The following GRHL3 variants were observed in gnomAD, a reference collection of about 807,000 sequenced individuals.
GRHL3 encodes the protein grainyhead like transcription factor 3, also known as grainyhead-like protein 3 homolog.
Under a neutral mutation model 70.3 loss-of-function variants are expected in GRHL3, and 20 were observed. The ratio of observed to expected loss-of-function variants is 0.28; its 90% CI spans 0.20 to 0.41. GRHL3 has a LOEUF of 0.41. Ranked by LOEUF, GRHL3 falls within the 10% of genes least tolerant of loss-of-function variation. GRHL3 has a pLI of 1.00. For synonymous variants in GRHL3, 299 were observed against 299.9 expected (o/e 1.00, Z 0.03); for missense variants, 637 against 762.3 (o/e 0.84, Z 1.94).
chr1:24,344,485 G>GAAAAA (rs57193515), intron 11 of GRHL3, among the ~76,000 whole-genome samples: 2 of 55,778 alleles, frequency 3.6e-5, no homozygotes, highest in Admixed American at 2.9e-4. Context: ...TTTCCCCCCA[G>GAAAAA]AAAAAAAAAA....
chr1:24,343,254 G>A (rs558771965), intron 11 of GRHL3: 132 of 521,670 alleles, frequency 2.5e-4, no homozygotes, highest in East Asian at 1.1e-3. Flanking sequence ...CCATTAAAAC[G>A]TTCATGCTTA....
downstream of GRHL3, among the ~76,000 whole-genome samples, chr1:24,359,624 G>A (rs1481858941): frequency 6.6e-6 from 1 of 152,164 alleles, no homozygotes; most frequent in Non-Finnish European, 1.5e-5. This position sits in a 1 kb window ranked among gnomAD's most constrained non-coding sequence, Gnocchi z 5.3. Context: ...GCCTCTGGGG[G>A]CAAACCTGGG....
rs1297892759 is a variant in GRHL3 at position 24,342,559 on chromosome 1, T to G, written c.1207-135T>G. ...GCTGGGCCAGGTAAGTGCTGGTACC[T>G]TCCCATTTCCTGGTCTTGTTCTGGA... is the stretch of plus-strand genomic sequence containing the variant. On this transcript the variant is annotated intron_variant, in intron 9 of 15. Coordinates refer to ENST00000361548, the MANE Select transcript of GRHL3 (RefSeq NM_198173.3). This position sits in a 1 kb window ranked among gnomAD's most constrained non-coding sequence, Gnocchi z 4.8. 1.2e-5 allele frequency: 11 copies of G among 912,832 alleles called. No homozygotes were observed. The highest frequency in any genetic ancestry group is 1.9e-5 in the Non-Finnish European group (11 of 569,134). 56.5% of individuals were successfully genotyped at this position (912,832 alleles called of 1,614,324 possible).
At chr1:24,352,769 C>T (rs1002638545) in intron 15 of GRHL3, among the ~76,000 whole-genome samples, 4 of 152,164 alleles carry the variant, frequency 2.6e-5, no homozygotes, top group South Asian at 2.1e-4. Context: ...GGTCTGTTTC[C>T]GACCTCCCGT....
In GRHL3 at chr1:24,319,455, C is replaced by T; in HGVS notation, c.-97C>T. The T allele has an allele frequency of 7.7e-7, 1 of 1,294,712 alleles. No individual in the cohort carries two copies. Among genetic ancestry groups the T allele is most frequent in the Non-Finnish European group, 1.1e-6 (1 of 890,594 alleles). 80.2% of individuals were successfully genotyped at this position (1,294,712 alleles called of 1,614,324 possible). A position where few individuals can be genotyped will look rare whatever the true frequency, so the allele number is the denominator to read the frequency against. On this transcript the variant is annotated 5_prime_UTR_variant, in exon 1 of 16. Coordinates refer to ENST00000361548, the MANE Select transcript of GRHL3 (RefSeq NM_198173.3). The stretch of plus-strand genomic sequence containing the variant: ...CACCCAAACCTCAACATAAATCAAA[C>T]ACTTTCCCGGGCAGAGAATGTCTGT...
rs767805582 is a variant in GRHL3, at chr1:24,354,708, A to G, written c.*220A>G. The G allele has an allele frequency of 1.3e-5, 6 of 471,372 alleles. No homozygotes were observed. Among genetic ancestry groups the G allele is most frequent in the Non-Finnish European group, 2.3e-5 (6 of 260,134 alleles). The allele number at this position is 471,372 out of a possible 1,614,324, so 29.2% of individuals were successfully genotyped here. On this transcript the variant is annotated 3_prime_UTR_variant, in exon 16 of 16. Coordinates refer to ENST00000361548, the MANE Select transcript of GRHL3 (RefSeq NM_198173.3). Reference sequence around the variant, plus strand: ...ATGGTATGCTTGAATCTGCTCCCTGAACTTCCTGCCAGTGCCTCCCCGTAC... The same window carrying G: ...ATGGTATGCTTGAATCTGCTCCCTGGACTTCCTGCCAGTGCCTCCCCGTAC...
At chr1:24,351,294 C>T (rs1427455760) in intron 15 of GRHL3, among the ~76,000 whole-genome samples, 1 of 152,136 alleles carries the variant, frequency 6.6e-6, no homozygotes, top group Non-Finnish European at 1.5e-5. Context: ...GGCCTGGCCG[C>T]CTTCCTCACA....
chr1:24,351,589 G>A (rs1022598586), intron 15 of GRHL3, among the ~76,000 whole-genome samples: 5 of 128,396 alleles, frequency 3.9e-5, no homozygotes, highest in Admixed American at 9.3e-5. Flanking sequence ...CAGTGCCCAT[G>A]CCCCCTGGCT....
Position 24,319,406 on chromosome 1 carries a change from A to C in GRHL3, c.-146A>C. On this transcript the variant is annotated 5_prime_UTR_variant, in exon 1 of 16. Transcript: ENST00000361548. ...CCAATCAGCGCCAGCGCTGCTGGGAACCTACCTGTCAGCAAAATCTCGACA... is the reference window on the plus strand; with the variant it reads ...CCAATCAGCGCCAGCGCTGCTGGGACCCTACCTGTCAGCAAAATCTCGACA... 1.2e-6 allele frequency: 1 copy of C among 852,340 alleles called. No individual in the cohort carries two copies. The highest frequency in any genetic ancestry group is 2.0e-6 in the Non-Finnish European group (1 of 500,598). 52.8% of individuals were successfully genotyped at this position (852,340 alleles called of 1,614,324 possible).
chr1:24,348,771 T>C (rs764704138), intron 14 of GRHL3, among the ~76,000 whole-genome samples: 2 of 152,184 alleles, frequency 1.3e-5, no homozygotes, highest in Admixed American at 6.5e-5. Flanking sequence ...TTCAGTCACA[T>C]CATCATTAAA....
At chr1:24,338,245 G>T in intron 7 of GRHL3, 142 bp downstream of exon 7, 1 of 581,008 alleles carries the variant, frequency 1.7e-6, no homozygotes. Flanking sequence ...GGTTTGCAAG[G>T]ATTTGCATCT....
chr1:24,323,132 T>C (rs1639264816), intron 1 of GRHL3: 2 of 1,470,978 alleles, frequency 1.4e-6, no homozygotes, highest in East Asian at 2.5e-5. Context: ...GTTCTACATG[T>C]TATATATTTG....
intron 13 of GRHL3, among the ~76,000 whole-genome samples, chr1:24,346,914 A>C (rs1311718103): frequency 1.3e-5 from 2 of 152,102 alleles, no homozygotes; most frequent in Non-Finnish European, 2.9e-5. Flanking sequence ...ATGCTGGGCG[A>C]GTCCCCCCTC....
In GRHL3 at chr1:24,354,669, T is replaced by C; in HGVS notation, c.*181T>C. 1 of 545,270 alleles carries C rather than the reference T, an allele frequency of 1.8e-6. No individual in the cohort carries two copies. Among genetic ancestry groups the C allele is most frequent in the Non-Finnish European group, 3.3e-6 (1 of 302,974 alleles). The allele number at this position is 545,270 out of a possible 1,614,324, so 33.8% of individuals were successfully genotyped here. A position where few individuals can be genotyped will look rare whatever the true frequency, so the allele number is the denominator to read the frequency against. On this transcript the variant is annotated 3_prime_UTR_variant, in exon 16 of 16. Coordinates refer to ENST00000361548, the MANE Select transcript of GRHL3 (RefSeq NM_198173.3). ...CCAGGGAGAGACCTAGGGGGTCCCC[T>C]GGCCTGGATCCCCATGGTATGCTTG...
chr1:24,320,811 A>G (rs1041484279), intron 1 of GRHL3, among the ~76,000 whole-genome samples: 5 of 152,240 alleles, frequency 3.3e-5, no homozygotes, highest in African/African-American at 1.2e-4. Flanking sequence ...GAGCAGGAGC[A>G]TTGGTACTGA....
intron 8 of GRHL3, among the ~76,000 whole-genome samples, chr1:24,341,647 G>C (rs1044779939): frequency 3.9e-5 from 6 of 152,174 alleles, no homozygotes; most frequent in Admixed American, 3.9e-4. Context: ...GGTTGGGGTG[G>C]AGAGGGGCTG....
chr1:24,320,057 CT>C, intron 1 of GRHL3: 1 of 170,066 alleles, frequency 5.9e-6, no homozygotes, highest in Non-Finnish European at 1.3e-5. Context: ...CATGTGTACT[CT>C]TTGTAGTGGG....
At chr1:24,355,812 CAG>C (rs1205804161), downstream of GRHL3, among the ~76,000 whole-genome samples, 5 of 152,130 alleles carry the variant, frequency 3.3e-5, no homozygotes, top group Non-Finnish European at 7.4e-5. Flanking sequence ...TGGTGACAGT[CAG>C]AAATTGACAA....
At chr1:24,360,433 G>A (rs956990896) in intron 15 of GRHL3, among the ~76,000 whole-genome samples, 5 of 152,136 alleles carry the variant, frequency 3.3e-5, no homozygotes, top group South Asian at 2.1e-4. Flanking sequence ...GCGATACAGC[G>A]AGACTCCGTC....
Sources: gnomAD v4.1 joint callset for allele counts (sites outside exome capture counted in the v4.1 genomes callset) on GRCh38, gnomAD v4.1.1 for gene constraint, Gnocchi (gnomAD v3.1) non-coding constraint, MANE v1.5 for transcripts, NCBI Gene and HGNC (gene_info 2026-07-23, HGNC 2026-07-21) for gene names.